CDK17: variants seen among roughly 807,000 people sequenced by gnomAD.
CDK17 encodes the protein cyclin-dependent kinase 17.
Under a neutral mutation model 77.6 loss-of-function variants are expected in CDK17, and 24 were observed. That is an observed-to-expected ratio of 0.31 (90% CI 0.22 to 0.44). CDK17 has a LOEUF of 0.44. Ranked by LOEUF, CDK17 falls within the 20% of genes least tolerant of loss-of-function variation. The pLI, the probability that CDK17 is intolerant of heterozygous loss-of-function variation, is 1.00. For missense variants in CDK17, 429 were observed against 622.5 expected (o/e 0.69, Z 3.31); for synonymous variants, 203 against 210.4 (o/e 0.96, Z 0.30).
At chr12:96,337,718 T>C (rs1241835473) in intron 1 of CDK17, among the ~76,000 whole-genome samples, 2 of 152,218 alleles carry the variant, frequency 1.3e-5, no homozygotes, top group Non-Finnish European at 2.9e-5. Flanking sequence ...ACACACTAGA[T>C]ATTTAAGTTG....
intron 3 of CDK17, among the ~76,000 whole-genome samples, chr12:96,323,287 A>AAAAC (rs952319278): frequency 9.9e-6 from 1 of 100,634 alleles, no homozygotes; most frequent in Admixed American, 1.3e-4. Context: ...AAAAAAAACA[A>AAAAC]AAACAAACAA....
chr12:96,327,212 A>C (rs1197043549), intron 2 of CDK17, among the ~76,000 whole-genome samples: 1 of 152,186 alleles, frequency 6.6e-6, no homozygotes, highest in African/African-American at 2.4e-5. Context: ...AGAAGGGTAC[A>C]AGTATGGGTC....
intron 1 of CDK17, among the ~76,000 whole-genome samples, chr12:96,342,789 C>T (rs757865169): frequency 6.6e-6 from 1 of 151,946 alleles, no homozygotes; most frequent in African/African-American, 2.4e-5. Context: ...CATGGAGAAA[C>T]CCCGTCTCTA....
In CDK17 at chr12:96,291,152, G is replaced by A. The variant is rs183453078; in HGVS notation, c.998-1865C>T. Among the ~76,000 whole-genome samples the A allele has an allele frequency of 5.8e-4, 87 of 149,290 alleles. 1 individual carries two copies. In the East Asian group the frequency reaches 0.014, roughly 24 times the overall value. On this transcript the variant is annotated intron_variant, in intron 10 of 16. Transcript: ENST00000261211. ...AAAAAAAAAAAAAGGAAGAAATAGA[G>A]ACAGAATTGAATATACTATCTCATG... is the stretch of plus-strand genomic sequence containing the variant.
chr12:96,390,433 G>T (rs1300949275), intron 1 of CDK17, among the ~76,000 whole-genome samples: 1 of 149,578 alleles, frequency 6.7e-6, no homozygotes, highest in African/African-American at 2.4e-5. Flanking sequence ...CCTTGGCCAG[G>T]TGCGGTGGCT....
chr12:96,286,207 A>T, intron 12 of CDK17, 59 bp from the exon 13 acceptor site: 1 of 398,668 alleles, frequency 2.5e-6, no homozygotes, highest in Non-Finnish European at 4.0e-6. Context: ...TATATATAAA[A>T]ATTATATACA....
At chr12:96,373,315 C>A (rs889405438) in intron 1 of CDK17, among the ~76,000 whole-genome samples, 1 of 152,132 alleles carries the variant, frequency 6.6e-6, no homozygotes, top group Non-Finnish European at 1.5e-5. Flanking sequence ...AGGCCAGCTG[C>A]GGTGGCTCCC....
intron 3 of CDK17, among the ~76,000 whole-genome samples, chr12:96,319,921 T>C (rs1434487999): frequency 6.7e-6 from 1 of 148,210 alleles, no homozygotes; most frequent in Non-Finnish European, 1.5e-5. Flanking sequence ...ACCGCTCCTA[T>C]TCAACATAGT....
chr12:96,311,067 A>C lies in CDK17; in HGVS notation c.528T>G (p.Ser176=). 4 of 1,599,720 alleles carry C rather than the reference A, an allele frequency of 2.5e-6. No homozygotes were observed. Among genetic ancestry groups the C allele is most frequent in the Non-Finnish European group, 3.4e-6 (4 of 1,175,928 alleles). ...PPFDQPMSRR[S]RRASLSEIGF... is the part of the protein sequence containing the mutation. ...AAAAACTTACTAAGGAAGCTCTACGAGACCTTCGACTCATTGGTTGGTCAA... is the reference window on the plus strand; with the variant it reads ...AAAAACTTACTAAGGAAGCTCTACGCGACCTTCGACTCATTGGTTGGTCAA... Residue 176 remains serine (S), a synonymous_variant, in exon 5 of 17, where the codon TCT becomes TCG. Coordinates refer to ENST00000261211, the MANE Select transcript of CDK17 (RefSeq NM_002595.5).
chr12:96,346,552 C>G (rs371925961), intron 1 of CDK17, among the ~76,000 whole-genome samples: 1 of 151,712 alleles, frequency 6.6e-6, no homozygotes, highest in Non-Finnish European at 1.5e-5. Flanking sequence ...TGCTTGAATC[C>G]GAGAAGCGCA....
intron 15 of CDK17, chr12:96,281,738 C>T (rs1186081539): frequency 1.3e-5 from 2 of 152,206 alleles, no homozygotes; most frequent in Non-Finnish European, 2.9e-5. Flanking sequence ...GAGAGGTATT[C>T]TTTCATTTAA....
At chr12:96,289,096 T>C (rs1468504444) in intron 11 of CDK17, 71 bp downstream of exon 11, 34 of 1,477,668 alleles carry the variant, frequency 2.3e-5, no homozygotes, top group Non-Finnish European at 3.1e-5. Context: ...TATATACTTA[T>C]CAATACATCT....
chr12:96,381,162 C>A (rs758702584), intron 1 of CDK17, among the ~76,000 whole-genome samples: 24 of 152,128 alleles, frequency 1.6e-4, no homozygotes, highest in African/African-American at 5.8e-4. Flanking sequence ...GCTCTCTAAG[C>A]CTTCTGAGGA....
At chr12:96,354,286 G>GTTTT (rs1298121719) in intron 1 of CDK17, among the ~76,000 whole-genome samples, 3 of 152,158 alleles carry the variant, frequency 2.0e-5, no homozygotes, top group Non-Finnish European at 4.4e-5. Flanking sequence ...AATTTCCAGA[G>GTTTT]TTAGGAAGCA....
chr12:96,377,680 C>T (rs1281377361), intron 1 of CDK17, among the ~76,000 whole-genome samples: 10 of 146,430 alleles, frequency 6.8e-5, no homozygotes, highest in African/African-American at 2.5e-4. Flanking sequence ...ATTACAGAAG[C>T]AGTTTTTTTT....
At chr12:96,316,167 C>G (rs1242002416) in intron 3 of CDK17, among the ~76,000 whole-genome samples, 1 of 152,158 alleles carries the variant, frequency 6.6e-6, no homozygotes, top group African/African-American at 2.4e-5. Context: ...TCAGGGAGTT[C>G]TCTTTCCGAG....
At chr12:96,348,113 C>T (rs1953252515) in intron 1 of CDK17, among the ~76,000 whole-genome samples, 1 of 151,832 alleles carries the variant, frequency 6.6e-6, no homozygotes, top group Non-Finnish European at 1.5e-5. Context: ...CCTAACGGTA[C>T]ACTTTATAGA....
At chr12:96,344,618 G>A (rs1370691136) in intron 1 of CDK17, among the ~76,000 whole-genome samples, 1 of 152,130 alleles carries the variant, frequency 6.6e-6, no homozygotes, top group Non-Finnish European at 1.5e-5. Context: ...CTTTAAGAAT[G>A]AAGGAGAAAT....
intron 1 of CDK17, among the ~76,000 whole-genome samples, chr12:96,371,725 T>G (rs1277360338): frequency 6.6e-6 from 1 of 151,904 alleles, no homozygotes; most frequent in Non-Finnish European, 1.5e-5. Context: ...AGAGTGAAAC[T>G]CCATCTCAAA....
Sources: gnomAD v4.1 joint callset for allele counts (sites outside exome capture counted in the v4.1 genomes callset) on GRCh38, gnomAD v4.1.1 for gene constraint, MANE v1.5 for transcripts, NCBI Gene and HGNC (gene_info 2026-07-23, HGNC 2026-07-21) for gene names.